The following ANK3 variants were observed in gnomAD, a reference collection of about 807,000 sequenced individuals.
ANK3 encodes ankyrin-3.
In ANK3, 57 loss-of-function variants were observed where a neutral mutation model predicts 370.9. That is an observed-to-expected ratio of 0.15 (90% CI 0.12 to 0.19). The LOEUF (loss-of-function observed/expected upper bound fraction) is 0.19, where lower values mean the gene tolerates loss of function less well. Ranked by LOEUF, ANK3 falls within the 10% of genes least tolerant of loss-of-function variation. The pLI, the probability that ANK3 is intolerant of heterozygous loss-of-function variation, is 1.00. For missense variants in ANK3, 4,439 were observed against 5,302.1 expected (o/e 0.84, Z 5.06); for synonymous variants, 1,929 against 1,946.3 (o/e 0.99, Z 0.23).
chr10:60,560,416 T>A (rs2077307412), intron 2 of ANK3, among the ~76,000 whole-genome samples: 1 of 152,328 alleles, frequency 6.6e-6, no homozygotes, highest in South Asian at 2.1e-4. Flanking sequence ...GTTCACATAA[T>A]TGAATTCATC....
At chr10:60,147,569 GGTGGGA>G (rs2094892725) in intron 23 of ANK3, among the ~76,000 whole-genome samples, 1 of 152,192 alleles carries the variant, frequency 6.6e-6, no homozygotes, top group Non-Finnish European at 1.5e-5. Context: ...GATGGGGCCT[GGTGGGA>G]GGTGGTTGGA....
chr10:60,665,132 C>T lies in ANK3; in HGVS notation c.58-49908G>A, dbSNP rs1031470036. ...ACCCTGTAGAAGTAGCTTAACGATGCGAACCCTCTGCCTCCTCATCAATAA... is the reference window on the plus strand; with the variant it reads ...ACCCTGTAGAAGTAGCTTAACGATGTGAACCCTCTGCCTCCTCATCAATAA... On this transcript the variant is annotated intron_variant, in intron 1 of 43. Coordinates refer to the ANK3 transcript ENST00000373827. 3.9e-5 allele frequency among the ~76,000 whole-genome samples: 6 copies of T among 152,104 alleles called. No homozygotes were observed. In the East Asian group the frequency reaches 9.6e-4, roughly 24 times the overall value.
At chr10:60,461,887 T>A (rs75074984) in intron 2 of ANK3, among the ~76,000 whole-genome samples, 1 of 152,074 alleles carries the variant, frequency 6.6e-6, no homozygotes, top group Non-Finnish European at 1.5e-5. Context: ...ACTGGATACC[T>A]CCCTGCCACA....
chr10:60,189,460 T>C (rs2096427282), intron 16 of ANK3, among the ~76,000 whole-genome samples: 2 of 152,222 alleles, frequency 1.3e-5, no homozygotes, highest in African/African-American at 4.8e-5. Context: ...AGGATTTATC[T>C]TGAGCTCCTT....
chr10:60,322,810 AT>A (rs768069853), intron 1 of ANK3, among the ~76,000 whole-genome samples: 36 of 152,070 alleles, frequency 2.4e-4, no homozygotes, highest in East Asian at 2.3e-3. Context: ...GGGAAAAAAA[AT>A]CTAGTGGTTG....
intron 1 of ANK3, among the ~76,000 whole-genome samples, chr10:60,632,609 G>T (rs1381206739): frequency 1.3e-5 from 2 of 152,022 alleles, no homozygotes; most frequent in Non-Finnish European, 2.9e-5. Context: ...AAAATTAGCT[G>T]GGCATGGTGG....
intron 1 of ANK3, among the ~76,000 whole-genome samples, chr10:60,634,632 G>C (rs963584988): frequency 6.6e-5 from 10 of 152,066 alleles, no homozygotes; most frequent in African/African-American, 1.7e-4. Context: ...GCAGCAACCA[G>C]CTCGGGTCCC....
chr10:60,063,521 G>A (rs530579168), intron 39 of ANK3, among the ~76,000 whole-genome samples: 1 of 152,286 alleles, frequency 6.6e-6, no homozygotes, highest in East Asian at 1.9e-4. Context: ...TGGCTATAAG[G>A]GGATCTAATA....
At chr10:60,730,749 C>T (rs1329198691) in intron 1 of ANK3, among the ~76,000 whole-genome samples, 1 of 152,180 alleles carries the variant, frequency 6.6e-6, no homozygotes, top group Non-Finnish European at 1.5e-5. Flanking sequence ...TCAATACATA[C>T]AGGGAAAAGT....
At chr10:60,307,019 A>G (rs1450153082) in intron 1 of ANK3, among the ~76,000 whole-genome samples, 15 of 152,228 alleles carry the variant, frequency 9.9e-5, no homozygotes, top group Non-Finnish European at 2.2e-4. Context: ...ATGAGCCACT[A>G]TGCTCTGCCC....
rs892735060 is a variant in ANK3, at chr10:60,179,312, C to G, written c.2184+2017G>C. Among the ~76,000 whole-genome samples, 2 of 152,180 alleles carry G rather than the reference C, an allele frequency of 1.3e-5. 1 individual carries two copies. Among genetic ancestry groups the G allele is most frequent in the South Asian group, 4.1e-4 (2 of 4,828 alleles). ...GGAAAGGAAAATAACTTGTAAAGGACAGAGAGATGCTTTCTGAAGTGAGAC... is the reference window on the plus strand; with the variant it reads ...GGAAAGGAAAATAACTTGTAAAGGAGAGAGAGATGCTTTCTGAAGTGAGAC... On this transcript the variant is annotated intron_variant, in intron 18 of 43. Transcript: ENST00000280772.
chr10:60,032,443 A>C (rs1160521057), intron 43 of ANK3, among the ~76,000 whole-genome samples: 2 of 151,860 alleles, frequency 1.3e-5, no homozygotes, highest in Non-Finnish European at 2.9e-5. Flanking sequence ...CCTGACCTCA[A>C]GTGATCCACC....
intron 1 of ANK3, among the ~76,000 whole-genome samples, chr10:60,312,860 G>T (rs2046637939): frequency 1.3e-5 from 2 of 152,160 alleles, no homozygotes; most frequent in Non-Finnish European, 2.9e-5. Context: ...CCACAGCTAT[G>T]GCCTAGAGCT....
chr10:60,533,073 C>T lies in ANK3; in HGVS notation c.96+82113G>A, dbSNP rs139983400. Among the ~76,000 whole-genome samples, 4 of 152,158 alleles carry T rather than the reference C, an allele frequency of 2.6e-5. No individual in the cohort carries two copies. In the East Asian group the frequency reaches 5.8e-4, roughly 22 times the overall value. On this transcript the variant is annotated intron_variant, in intron 2 of 43. Transcript: ENST00000373827. ...CATTTCTTGTGTGTGAACTTGATCCCGGGACTCTAAAGGTTTGAGAAGTGC... is the reference window on the plus strand; with the variant it reads ...CATTTCTTGTGTGTGAACTTGATCCTGGGACTCTAAAGGTTTGAGAAGTGC...
chr10:60,615,432 A>C (rs1402227492), intron 1 of ANK3, among the ~76,000 whole-genome samples: 5 of 152,170 alleles, frequency 3.3e-5, no homozygotes, highest in African/African-American at 1.2e-4. Context: ...AGATAACTAC[A>C]AAATAAAGAA....
chr10:60,425,326 A>G lies in ANK3; in HGVS notation c.97-145687T>C, dbSNP rs1595004678. On this transcript the variant is annotated intron_variant, in intron 2 of 43. Transcript: ENST00000373827. ...TCAGAGGACAACAACAAAAGAACACAAAAGGAGTTTGGGAGCTACTACATT... is the reference window on the plus strand; with the variant it reads ...TCAGAGGACAACAACAAAAGAACACGAAAGGAGTTTGGGAGCTACTACATT... 2.0e-5 allele frequency among the ~76,000 whole-genome samples: 3 copies of G among 152,226 alleles called. No homozygotes were observed. In the South Asian group the frequency reaches 6.2e-4, roughly 32 times the overall value.
At chr10:60,675,807 C>T (rs1381316871) in intron 1 of ANK3, among the ~76,000 whole-genome samples, 2 of 152,090 alleles carry the variant, frequency 1.3e-5, no homozygotes, top group African/African-American at 4.8e-5. Context: ...GGACTCCAGT[C>T]CCAAAAGGTG....
chr10:60,517,878 G>A (rs1176642664), intron 2 of ANK3, among the ~76,000 whole-genome samples: 1 of 141,628 alleles, frequency 7.1e-6, no homozygotes, highest in African/African-American at 2.6e-5. Context: ...AACTGGGAAG[G>A]GAAGGCACAG....
intron 27 of ANK3, chr10:60,108,052 C>T (rs2092372190): frequency 4.0e-6 from 1 of 250,754 alleles, no homozygotes; most frequent in Admixed American, 5.1e-5. Flanking sequence ...CACACATCAA[C>T]TGAAAGCATT....
Sources: gnomAD v4.1 joint callset for allele counts (sites outside exome capture counted in the v4.1 genomes callset) on GRCh38, gnomAD v4.1.1 for gene constraint, MANE v1.5 for transcripts, NCBI Gene and HGNC (gene_info 2026-07-23, HGNC 2026-07-21) for gene names.